The following GLS variants were observed in gnomAD, a reference collection of about 807,000 sequenced individuals.
GLS encodes the protein glutaminase kidney isoform, mitochondrial.
A neutral mutation model predicts 86.7 loss-of-function variants in GLS; 36 were observed. The observed-to-expected ratio is 0.42, with a 90% CI of 0.32 to 0.55. GLS has a LOEUF of 0.55. Among genes scored for constraint, GLS ranks in the 20% least tolerant of loss-of-function variants. The probability of loss-of-function intolerance (pLI) is 0.17; values close to 1 mark genes in which losing one functional copy is unlikely to be tolerated. For synonymous variants in GLS, 317 were observed against 305.9 expected (o/e 1.04, Z -0.38); for missense variants, 528 against 833.4 (o/e 0.63, Z 4.51).
intron 11 of GLS, among the ~76,000 whole-genome samples, chr2:190,926,806 A>G (rs1377086647): frequency 1.3e-5 from 2 of 152,268 alleles, no homozygotes; most frequent in African/African-American, 2.4e-5. Context: ...GCCTGTTACC[A>G]TATAGATGGG....
In GLS at chr2:190,963,593, C is replaced by A. The variant is rs1281254748; in HGVS notation, c.*607C>A. ...AATCTGTTTAAGATATGTTTGGTGA[C>A]CAAAACGTATGTGTGAATGTAGTTA... On this transcript the variant is annotated 3_prime_UTR_variant, in exon 18 of 18. Transcript: ENST00000320717. The A allele has an allele frequency of 1.3e-5, 2 of 152,612 alleles. No individual in the cohort carries two copies. The highest frequency in any genetic ancestry group is 6.5e-5 in the Admixed American group (1 of 15,276). 9.5% of individuals were successfully genotyped at this position (152,612 alleles called of 1,614,324 possible). A position where few individuals can be genotyped will look rare whatever the true frequency, so the allele number is the denominator to read the frequency against.
At chr2:190,898,015 T>G (rs1192724078) in intron 3 of GLS, among the ~76,000 whole-genome samples, 2 of 152,218 alleles carry the variant, frequency 1.3e-5, no homozygotes, top group Non-Finnish European at 2.9e-5. Context: ...TTAATGCTAG[T>G]AAATCTTAAC....
intron 6 of GLS, among the ~76,000 whole-genome samples, chr2:190,906,175 C>T (rs1689129603): frequency 6.6e-6 from 1 of 151,956 alleles, no homozygotes; most frequent in African/African-American, 2.4e-5. Flanking sequence ...TATGCAGAAG[C>T]ACTTTATTTA....
At chr2:190,923,565 T>C (rs1689812346) in intron 9 of GLS, among the ~76,000 whole-genome samples, 1 of 152,220 alleles carries the variant, frequency 6.6e-6, no homozygotes, top group South Asian at 2.1e-4. Context: ...AATGGACTCT[T>C]ATTGTACTTT....
At chr2:190,889,618 A>T (rs1574560491) in intron 1 of GLS, among the ~76,000 whole-genome samples, 2 of 152,224 alleles carry the variant, frequency 1.3e-5, no homozygotes, top group East Asian at 3.8e-4. Flanking sequence ...TGGCTGAAGA[A>T]ATGAGTTATT....
At chr2:190,886,583 A>G (rs1688385749) in intron 1 of GLS, among the ~76,000 whole-genome samples, 1 of 152,216 alleles carries the variant, frequency 6.6e-6, no homozygotes. Flanking sequence ...AAATTTGCTG[A>G]AGATATTTGT....
rs1480477475 is a variant in GLS, at chr2:190,954,524, T to A, written c.1713-60T>A. 1.8e-5 allele frequency: 20 copies of A among 1,084,490 alleles called. No individual in the cohort carries two copies. The highest frequency in any genetic ancestry group is 2.1e-4 in the Middle Eastern group (1 of 4,840). The allele number at this position is 1,084,490 out of a possible 1,614,324, so 67.2% of individuals were successfully genotyped here. A position where few individuals can be genotyped will look rare whatever the true frequency, so the allele number is the denominator to read the frequency against. ...TTAAATGAACTGATGGAGTGAATGTTACCAGTGTGAATTAAATTTGCTTTA... is the reference window on the plus strand; with the variant it reads ...TTAAATGAACTGATGGAGTGAATGTAACCAGTGTGAATTAAATTTGCTTTA... On this transcript the variant is annotated intron_variant, in intron 15 of 17. Coordinates refer to ENST00000320717, the MANE Select transcript of GLS (RefSeq NM_014905.5). The surrounding 1 kb of genome is among the most constrained non-coding windows in gnomAD (Gnocchi z 4.0).
At chr2:190,909,156 A>T (rs1031489803) in intron 6 of GLS, among the ~76,000 whole-genome samples, 1 of 152,182 alleles carries the variant, frequency 6.6e-6, no homozygotes, top group African/African-American at 2.4e-5. Flanking sequence ...ACTTGGCATT[A>T]TGAATACACC....
In GLS at chr2:190,953,882, C is replaced by G. The variant is rs983996648; in HGVS notation, c.1712+256C>G. 2.0e-5 allele frequency among the ~76,000 whole-genome samples: 3 copies of G among 151,650 alleles called. No homozygotes were observed. The highest frequency in any genetic ancestry group is 7.3e-5 in the African/African-American group (3 of 41,232). ...GTTCAGCTAATCTGGCTAATTAGTACCAGTGGCTTACTGGAATTGGACAGT... is the reference window on the plus strand; with the variant it reads ...GTTCAGCTAATCTGGCTAATTAGTAGCAGTGGCTTACTGGAATTGGACAGT... On this transcript the variant is annotated intron_variant, in intron 15 of 17. Coordinates refer to ENST00000320717, the MANE Select transcript of GLS (RefSeq NM_014905.5). This position sits in a 1 kb window ranked among gnomAD's most constrained non-coding sequence, Gnocchi z 4.0.
rs1690830652 is a variant in GLS at position 190,955,176 on chromosome 2, AAC to A, written c.1853+360_1853+361del. Among the ~76,000 whole-genome samples, 2 of 152,314 alleles carry A rather than the reference AAC, an allele frequency of 1.3e-5. No homozygotes were observed. Among genetic ancestry groups the A allele is most frequent in the South Asian group, 4.1e-4 (2 of 4,830 alleles). The stretch of plus-strand genomic sequence containing the variant: ...TTTAAGTTCTGGGATACATGTGCAG[AAC>A]ATGCAGGTTTGTTACATGGGTATAT... On this transcript the variant is annotated intron_variant, in intron 17 of 17. Coordinates refer to ENST00000320717, the MANE Select transcript of GLS (RefSeq NM_014905.5). The surrounding 1 kb of genome is among the most constrained non-coding windows in gnomAD (Gnocchi z 5.6).
At position 190,938,259 on chromosome 2, in the gene GLS, T is replaced by TG. The variant is rs1423578778; in HGVS notation, c.1650+6624dup. 6.6e-6 allele frequency among the ~76,000 whole-genome samples: 1 copy of TG among 151,570 alleles called. No homozygotes were observed. The highest frequency in any genetic ancestry group is 1.5e-5 in the Non-Finnish European group (1 of 67,540). On this transcript the variant is annotated intron_variant, in intron 14 of 17. Transcript: ENST00000320717. This position sits in a 1 kb window ranked among gnomAD's most constrained non-coding sequence, Gnocchi z 4.1. Reference sequence around the variant, plus strand: ...CCACAGATAATTAAAATTATCTATTTGGAAGGCTTAGCTTTTGAAAGAAAA... The same window carrying TG: ...CCACAGATAATTAAAATTATCTATTTGGGAAGGCTTAGCTTTTGAAAGAAAA...
intron 7 of GLS, among the ~76,000 whole-genome samples, chr2:190,916,840 AT>A (rs1689549840): frequency 6.6e-6 from 1 of 152,162 alleles, no homozygotes; most frequent in Non-Finnish European, 1.5e-5. Flanking sequence ...GTGCAGTAGT[AT>A]TGCATCTAAA....
In GLS at chr2:190,953,948, ATATGTG is replaced by A. The variant is rs1281704572; in HGVS notation, c.1712+324_1712+329del. 1.4e-4 allele frequency among the ~76,000 whole-genome samples: 15 copies of A among 108,846 alleles called. 1 individual carries two copies. In the East Asian group the frequency reaches 1.9e-3, roughly 14 times the overall value. The allele number at this position is 108,846 out of a possible 152,430, so 71.4% of individuals were successfully genotyped here. A position where few individuals can be genotyped will look rare whatever the true frequency, so the allele number is the denominator to read the frequency against. ...GTCTACCCTCCATTCCCAATCTTTGATATGTGTGTGTGTGTGTGTGTGTGTGTGTGT... is the reference window on the plus strand; with the variant it reads ...GTCTACCCTCCATTCCCAATCTTTGATGTGTGTGTGTGTGTGTGTGTGTGT... On this transcript the variant is annotated intron_variant, in intron 15 of 17. Transcript: ENST00000320717. This position sits in a 1 kb window ranked among gnomAD's most constrained non-coding sequence, Gnocchi z 4.0.
intron 1 of GLS, 162 bp downstream of exon 1, chr2:190,881,632 G>GGCCCC (rs1553572750): frequency 3.2e-6 from 2 of 629,994 alleles, no homozygotes; most frequent in Non-Finnish European, 5.0e-6. Flanking sequence ...GATTAGGCCC[G>GGCCCC]GCCCCGCCCG....
At chr2:190,952,851 T>C (rs1044118380) in intron 14 of GLS, among the ~76,000 whole-genome samples, 2 of 152,254 alleles carry the variant, frequency 1.3e-5, no homozygotes, top group African/African-American at 4.8e-5. Context: ...CCAATGGCTT[T>C]TCAAATAACT....
At chr2:190,901,908 A>G (rs1184632706) in intron 4 of GLS, 39 bp from the exon 5 acceptor site, 2 of 1,189,758 alleles carry the variant, frequency 1.7e-6, no homozygotes, top group Non-Finnish European at 2.5e-6. Context: ...TTATTTGTCA[A>G]TATTATATCT....
intron 14 of GLS, among the ~76,000 whole-genome samples, chr2:190,937,845 T>TG (rs1290022136): frequency 2.0e-5 from 3 of 149,836 alleles, no homozygotes; most frequent in East Asian, 1.9e-4. Flanking sequence ...TGTGGGTTTT[T>TG]TTTTTTTTTT....
At chr2:190,959,498 G>A (rs373154041) in intron 17 of GLS, among the ~76,000 whole-genome samples, 3 of 152,148 alleles carry the variant, frequency 2.0e-5, no homozygotes. Context: ...TTCAGTTGAT[G>A]CAGTTTCTTC....
chr2:190,944,162 T>C (rs1022488567), intron 14 of GLS, among the ~76,000 whole-genome samples: 2 of 151,880 alleles, frequency 1.3e-5, no homozygotes, highest in East Asian at 1.9e-4. Context: ...CAAAATGGTG[T>C]CTTTGTAAGA....
Sources: allele counts gnomAD v4.1 joint callset (sites outside exome capture counted in the v4.1 genomes callset), GRCh38; gene constraint gnomAD v4.1.1; non-coding constraint Gnocchi (gnomAD v3.1); transcripts MANE v1.5; gene names NCBI Gene and HGNC (gene_info 2026-07-23, HGNC 2026-07-21).